Variants in SLIT3 observed in about 807,000 individuals in gnomAD.
The protein encoded by SLIT3 is slit guidance ligand 3.
A neutral mutation model predicts 184.0 loss-of-function variants in SLIT3; 68 were observed. The ratio of observed to expected loss-of-function variants is 0.37; its 90% CI spans 0.30 to 0.45. The LOEUF is 0.45. Ranked by LOEUF, SLIT3 falls within the 20% of genes least tolerant of loss-of-function variation. SLIT3 has a pLI of 1.00. For synonymous variants in SLIT3, 831 were observed against 828.6 expected, an observed-to-expected ratio of 1.00 and a Z score of -0.05; for missense variants, 1,707 against 2,026.0, an observed-to-expected ratio of 0.84 and a Z score of 3.02.
chr5:169,034,983 T>C (rs1757183679), intron 4 of SLIT3, among the ~76,000 whole-genome samples: 1 of 151,132 alleles, frequency 6.6e-6, no homozygotes, highest in Non-Finnish European at 1.5e-5. Context: ...GGTTTTGTCA[T>C]GTTGCCCAGG....
chr5:169,281,933 G>C (rs370660675), intron 1 of SLIT3, among the ~76,000 whole-genome samples: 4 of 152,174 alleles, frequency 2.6e-5, no homozygotes, highest in Admixed American at 6.5e-5. Context: ...TATGAAACAA[G>C]GGTACAGCTG....
At chr5:169,213,456 G>C (rs538605493) in intron 3 of SLIT3, among the ~76,000 whole-genome samples, 1 of 152,158 alleles carries the variant, frequency 6.6e-6, no homozygotes, top group Non-Finnish European at 1.5e-5. Flanking sequence ...AACCAAAAAA[G>C]AGCCTGCATA....
At chr5:169,266,916 C>T (rs1766415102) in intron 1 of SLIT3, among the ~76,000 whole-genome samples, 1 of 152,118 alleles carries the variant, frequency 6.6e-6, no homozygotes. Context: ...ACACATATTA[C>T]CTTAAGCAAT....
intron 4 of SLIT3, among the ~76,000 whole-genome samples, chr5:168,953,116 T>C (rs1359770546): frequency 1.3e-5 from 2 of 152,106 alleles, no homozygotes; most frequent in East Asian, 1.9e-4. Context: ...CTTGCAAAAA[T>C]TATACATGAA....
intron 1 of SLIT3, among the ~76,000 whole-genome samples, chr5:169,273,702 T>G (rs1168712102): frequency 6.6e-6 from 1 of 152,172 alleles, no homozygotes; most frequent in Non-Finnish European, 1.5e-5. Flanking sequence ...GCTTTGAGGC[T>G]GAGTTTACAA....
At chr5:168,812,844 T>C (rs1303764038) in intron 8 of SLIT3, among the ~76,000 whole-genome samples, 1 of 151,998 alleles carries the variant, frequency 6.6e-6, no homozygotes, top group Non-Finnish European at 1.5e-5. Context: ...TGGCTGGTCA[T>C]GGCTTACCTT....
At chr5:169,294,055 G>T (rs903624115) in intron 1 of SLIT3, among the ~76,000 whole-genome samples, 6 of 152,158 alleles carry the variant, frequency 3.9e-5, no homozygotes, top group Admixed American at 3.9e-4. Flanking sequence ...GATCAGCAGT[G>T]GTCCAGATGA....
At chr5:169,229,792 C>A (rs1764935550) in intron 3 of SLIT3, among the ~76,000 whole-genome samples, 1 of 152,066 alleles carries the variant, frequency 6.6e-6, no homozygotes, top group Non-Finnish European at 1.5e-5. Flanking sequence ...ATAAGAGCCT[C>A]ATAAAGTGGG....
intron 9 of SLIT3, among the ~76,000 whole-genome samples, chr5:168,803,588 G>A (rs1224447567): frequency 6.6e-6 from 1 of 152,214 alleles, no homozygotes; most frequent in Non-Finnish European, 1.5e-5. Context: ...ATAGAGATGT[G>A]AAGTGGAAGG....
intron 5 of SLIT3, among the ~76,000 whole-genome samples, chr5:168,868,488 G>T (rs991080117): frequency 6.6e-6 from 1 of 152,030 alleles, no homozygotes; most frequent in African/African-American, 2.4e-5. Context: ...AGCGGCTCAC[G>T]CCTGTAATTT....
At chr5:169,078,583 C>T (rs1039846419) in intron 4 of SLIT3, among the ~76,000 whole-genome samples, 1 of 152,158 alleles carries the variant, frequency 6.6e-6, no homozygotes, top group African/African-American at 2.4e-5. Context: ...TGTTACTCTC[C>T]AGCTTCTCCC....
intron 1 of SLIT3, among the ~76,000 whole-genome samples, chr5:169,287,827 C>CTGAGAA (rs1413513372): frequency 1.3e-5 from 2 of 152,154 alleles, no homozygotes; most frequent in East Asian, 1.9e-4. Context: ...TGAATGCTGC[C>CTGAGAA]TGAGAACCTG....
rs532870364 is a variant in SLIT3 at position 169,220,019 on chromosome 5, G to A, written c.341+24686C>T. ...AGCTCACGTCTGCTCACTCACACACGAGGTGACCAATCCCAATGATGGGGA... is the reference window on the plus strand; with the variant it reads ...AGCTCACGTCTGCTCACTCACACACAAGGTGACCAATCCCAATGATGGGGA... On this transcript the variant is annotated intron_variant, in intron 3 of 35. Coordinates refer to ENST00000519560, the MANE Select transcript of SLIT3 (RefSeq NM_003062.4). Among the ~76,000 whole-genome samples the A allele has an allele frequency of 2.6e-4, 40 of 152,192 alleles. 1 individual carries two copies. In the South Asian group the frequency reaches 7.5e-3, roughly 28 times the overall value.
intron 20 of SLIT3, among the ~76,000 whole-genome samples, chr5:168,733,784 TAAAATA>T (rs1215918646): frequency 2.3e-5 from 3 of 132,734 alleles, no homozygotes; most frequent in African/African-American, 8.4e-5. Flanking sequence ...TCCTGGAACT[TAAAATA>T]AAAAAAAATT....
At chr5:168,947,259 G>T (rs1439859096) in intron 4 of SLIT3, among the ~76,000 whole-genome samples, 1 of 152,198 alleles carries the variant, frequency 6.6e-6, no homozygotes, top group Non-Finnish European at 1.5e-5. Flanking sequence ...CCTCTGCTGG[G>T]GACTTTTCTG....
chr5:168,667,158 G>A (rs1250068495), intron 35 of SLIT3, among the ~76,000 whole-genome samples: 1 of 152,224 alleles, frequency 6.6e-6, no homozygotes, highest in African/African-American at 2.4e-5. Context: ...CTGCAACCCT[G>A]CACTGCAGTG....
At chr5:169,039,116 G>C (rs1757359307) in intron 4 of SLIT3, among the ~76,000 whole-genome samples, 1 of 152,014 alleles carries the variant, frequency 6.6e-6, no homozygotes, top group South Asian at 2.1e-4. Flanking sequence ...AGTTACATAT[G>C]TATACATGTG....
chr5:169,238,258 TTC>T (rs1308331909), intron 3 of SLIT3, among the ~76,000 whole-genome samples: 1 of 152,142 alleles, frequency 6.6e-6, no homozygotes, highest in Admixed American at 6.6e-5. Flanking sequence ...AATCCTACAT[TTC>T]TCTTATTAAA....
intron 23 of SLIT3, among the ~76,000 whole-genome samples, chr5:168,714,762 C>A (rs1182163550): frequency 2.0e-5 from 3 of 152,158 alleles, no homozygotes; most frequent in Non-Finnish European, 2.9e-5. Context: ...TGCTCCTTCC[C>A]CTTTCTCCTC....
Sources: allele counts gnomAD v4.1 joint callset (sites outside exome capture counted in the v4.1 genomes callset), GRCh38; gene constraint gnomAD v4.1.1; transcripts MANE v1.5; gene names NCBI Gene and HGNC (gene_info 2026-07-23, HGNC 2026-07-21).